The following METTL27 variants were observed in gnomAD, a reference collection of about 807,000 sequenced individuals.
METTL27 encodes methyltransferase like 27.
METTL27 carries 29 observed loss-of-function variants against 24.5 expected under a neutral mutation model. The observed-to-expected ratio is 1.18, with a 90% CI of 0.88 to 1.61. The LOEUF (loss-of-function observed/expected upper bound fraction) is 1.61. METTL27 is among the 40% of genes most tolerant of loss of function. The probability of loss-of-function intolerance (pLI) is 0.00; values close to 1 mark genes in which losing one functional copy is unlikely to be tolerated. For synonymous variants in METTL27, 138 were observed against 146.8 expected, an observed-to-expected ratio of 0.94 and a Z score of 0.43; for missense variants, 341 against 324.3, an observed-to-expected ratio of 1.05 and a Z score of -0.40.
chr7:73,842,285 G>A (rs79921838), intron 1 of METTL27, 141 bp from the exon 2 acceptor site: 80,234 of 1,367,710 alleles, frequency 0.059, 2,701 homozygotes, highest in Non-Finnish European at 0.067. Flanking sequence ...TCCCAGATGG[G>A]GACACTGAGC....
At chr7:73,840,359 G>A in intron 4 of METTL27, 55 bp downstream of exon 4, 1 of 1,549,388 alleles carries the variant, frequency 6.5e-7, no homozygotes, top group South Asian at 1.2e-5. Context: ...GGATCAGCAA[G>A]GGAAAGGGCT....
intron 3 of METTL27, 49 bp downstream of exon 3, chr7:73,841,021 G>T (rs1788337068): frequency 2.1e-6 from 3 of 1,416,132 alleles, no homozygotes; most frequent in Non-Finnish European, 2.8e-6. Context: ...TAGGAGATTT[G>T]AGGAAGTGCG....
intron 2 of METTL27, among the ~76,000 whole-genome samples, chr7:73,841,436 C>T (rs1788351851): frequency 6.6e-6 from 1 of 151,552 alleles, no homozygotes; most frequent in Non-Finnish European, 1.5e-5. Context: ...ACCTTCTCTC[C>T]TGGCCAAGCG....
At position 73,842,046 on chromosome 7, in the gene METTL27, T is replaced by C. The variant is rs1176356721; in HGVS notation, c.95A>G (p.Tyr32Cys). The change falls in exon 2 of 6, where the codon TAT (tyrosine) becomes TGT (cysteine). Residue 32 changes from tyrosine to cysteine, a missense_variant. Transcript: ENST00000297873. Reference sequence around the variant, plus strand: ...GTCGTAGTCCGGAGCCCAGCGGTCATAGAAATGGAGCTTTTGGGCCAGGTC... The same window carrying C: ...GTCGTAGTCCGGAGCCCAGCGGTCACAGAAATGGAGCTTTTGGGCCAGGTC... ...IPDLAQKLHFYDRWAPDYDQD... is the reference protein window; with the variant it reads ...IPDLAQKLHFCDRWAPDYDQD... The C allele has an allele frequency of 9.3e-6, 15 of 1,614,080 alleles. No individual in the cohort carries two copies. The highest frequency in any genetic ancestry group is 6.7e-5 in the East Asian group (3 of 44,868).
chr7:73,836,141 GCCCCCTGCCCGGC>G (rs1788181613), intron 5 of METTL27, among the ~76,000 whole-genome samples: 1 of 109,816 alleles, frequency 9.1e-6, no homozygotes, highest in African/African-American at 3.1e-5. Context: ...GGGGGGGTCA[GCCCCCTGCCCGGC>G]CAGCCGCCCA....
rs782631266 is a variant in METTL27 at position 73,840,009 on chromosome 7, G to A, written c.478+22C>T. The A allele has an allele frequency of 1.0e-5, 16 of 1,595,180 alleles. No individual in the cohort carries two copies. In the East Asian group the frequency reaches 3.1e-4, roughly 31 times the overall value. ...GTATATGGTGACGGGGGTTGGGGGT[G>A]GTTGGCTGGGCTGCTCCTCACCTGG... On this transcript the variant is annotated intron_variant, in intron 5 of 5. Coordinates refer to ENST00000297873, the MANE Select transcript of METTL27 (RefSeq NM_152559.3).
At position 73,835,624 on chromosome 7, in the gene METTL27, C is replaced by A. The variant is rs1245708231; in HGVS notation, c.479-622G>T. Among the ~76,000 whole-genome samples the A allele has an allele frequency of 2.7e-5, 4 of 145,856 alleles. No homozygotes were observed. The Admixed American group carries it at 2.8e-4, about 10-fold the overall frequency. ...AAAGTGCCGAGATTGCAGCCTCTGC[C>A]CGGCCGCCACCCCGTCTGGGAAGTG... On this transcript the variant is annotated intron_variant, in intron 5 of 5. Coordinates refer to ENST00000297873, the MANE Select transcript of METTL27 (RefSeq NM_152559.3).
At chr7:73,842,193 C>A in intron 1 of METTL27, 49 bp from the exon 2 acceptor site, 1 of 1,557,220 alleles carries the variant, frequency 6.4e-7, no homozygotes, top group Non-Finnish European at 8.6e-7. Context: ...AATCGCCCAT[C>A]CCCTCCTTTC....
chr7:73,835,742 G>A (rs1196035949), intron 5 of METTL27, among the ~76,000 whole-genome samples: 3 of 87,698 alleles, frequency 3.4e-5, no homozygotes, highest in Non-Finnish European at 8.4e-5. Context: ...GTCTCCGCCC[G>A]GCCGCCATCC....
intron 5 of METTL27, among the ~76,000 whole-genome samples, chr7:73,836,026 CG>C (rs1397589531): frequency 1.1e-5 from 1 of 94,292 alleles, no homozygotes; most frequent in African/African-American, 3.2e-5. Flanking sequence ...GCAGCCGCCC[CG>C]TCTGGGAAGT....
intron 5 of METTL27, among the ~76,000 whole-genome samples, chr7:73,836,438 G>A (rs868978471): frequency 2.0e-3 from 210 of 105,096 alleles, no homozygotes; most frequent in Middle Eastern, 6.0e-3. Flanking sequence ...CAGCCGCCCC[G>A]TCCGGGAGGT....
In METTL27 at chr7:73,840,132, T is replaced by TGTG; in HGVS notation, c.389-13_389-12insCAC. The TGTG allele has an allele frequency of 2.4e-6, 2 of 820,160 alleles. No homozygotes were observed. Among genetic ancestry groups the TGTG allele is most frequent in the Middle Eastern group, 2.6e-4 (1 of 3,804 alleles). The allele number at this position is 820,160 out of a possible 1,614,324, so 50.8% of individuals were successfully genotyped here. A position where few individuals can be genotyped will look rare whatever the true frequency, so the allele number is the denominator to read the frequency against. The stretch of plus-strand genomic sequence containing the variant: ...CGCGTCGAAGGTCCCTGTGTGTGTG[T>TGTG]GGGGGGGGGTGGGGACATGGTGTGA... On this transcript the variant is annotated splice_polypyrimidine_tract_variant and intron_variant, in intron 4 of 5. Transcript: ENST00000297873.
chr7:73,837,943 G>A (rs1788253482), intron 5 of METTL27, among the ~76,000 whole-genome samples: 1 of 151,532 alleles, frequency 6.6e-6, no homozygotes. Context: ...TCCAACTCAC[G>A]AGCTCAAGCA....
rs781895995 is a variant in METTL27, at chr7:73,834,884, C to G, written c.597G>C (p.Trp199Cys). 1 of 1,614,104 alleles carries G rather than the reference C, an allele frequency of 6.2e-7. No homozygotes were observed. The highest frequency in any genetic ancestry group is 1.1e-5 in the South Asian group (1 of 91,086). Residue 199 changes from tryptophan (W) to cysteine (C), a missense_variant, in exon 6 of 6, where the codon TGG (tryptophan) becomes TGC (cysteine). Transcript: ENST00000297873. ...QAGMWEGLVA[W>C]PVDRLWTAGS... ...CAGCGGTCCACAGGCGGTCCACAGGCCAGGCCACCAGGCCTTCCCACATCC... is the reference window on the plus strand; with the variant it reads ...CAGCGGTCCACAGGCGGTCCACAGGGCAGGCCACCAGGCCTTCCCACATCC...
At chr7:73,836,031 G>A (rs1554635083) in intron 5 of METTL27, among the ~76,000 whole-genome samples, 1 of 147,560 alleles carries the variant, frequency 6.8e-6, no homozygotes, top group East Asian at 2.0e-4. Context: ...CGCCCCGTCT[G>A]GGAAGTGAGG....
At position 73,840,493 on chromosome 7, in the gene METTL27, C is replaced by CAGCA; in HGVS notation, c.305_308dup (p.Glu104AlafsTer41). The stretch of plus-strand genomic sequence containing the variant: ...AGAGGCCGGGGGCCTGGGCCTGTTC[C>CAGCA]AGCATCCCTGGGCTCCCATCCACCC... On this transcript the variant is annotated frameshift_variant, in exon 4 of 6. Transcript: ENST00000297873. LOFTEE classifies it high-confidence loss of function. 1 of 1,611,324 alleles carries CAGCA rather than the reference C, an allele frequency of 6.2e-7. No homozygotes were observed. Among genetic ancestry groups the CAGCA allele is most frequent in the East Asian group, 2.2e-5 (1 of 44,808 alleles).
rs539713837 is a variant in METTL27, at chr7:73,839,816, C to A, written c.478+215G>T. 2.9e-4 allele frequency: 141 copies of A among 481,296 alleles called. 3 individuals carry two copies. In the South Asian group the frequency reaches 5.8e-3, roughly 20 times the overall value. 29.8% of individuals were successfully genotyped at this position (481,296 alleles called of 1,614,324 possible). ...GGAGGGTGGAGTTGCTCCTGGTTGTCCATGGATAAGAGCCGAGCTGGCCAC... is the reference window on the plus strand; with the variant it reads ...GGAGGGTGGAGTTGCTCCTGGTTGTACATGGATAAGAGCCGAGCTGGCCAC... On this transcript the variant is annotated intron_variant, in intron 5 of 5. Coordinates refer to ENST00000297873, the MANE Select transcript of METTL27 (RefSeq NM_152559.3).
chr7:73,842,034 G>A lies in METTL27; in HGVS notation c.107C>T (p.Ala36Val), dbSNP rs145055366. ...TGAGTTTACCTGGTCGTAGTCCGGA[G>A]CCCAGCGGTCATAGAAATGGAGCTT... ...AQKLHFYDRWAPDYDQDVATL... is the reference protein window; with the variant it reads ...AQKLHFYDRWVPDYDQDVATL... The change falls in exon 2 of 6, where the codon GCT becomes GTT. Residue 36 changes from alanine to valine, a missense_variant. Physicochemically the swap from Ala to Val is moderately conservative, Grantham distance 64. Coordinates refer to ENST00000297873, the MANE Select transcript of METTL27 (RefSeq NM_152559.3). The A allele has an allele frequency of 3.9e-3, 6,256 of 1,614,162 alleles. 410 individuals are homozygous for A. In the Admixed American group the frequency reaches 0.099, roughly 26 times the overall value.
chr7:73,838,457 T>C (rs146326977), intron 5 of METTL27, among the ~76,000 whole-genome samples: 231 of 152,172 alleles, frequency 1.5e-3, no homozygotes, highest in African/African-American at 5.3e-3. Context: ...GTGCCCAGGG[T>C]GGCCCCAAGT....
Sources: allele counts gnomAD v4.1 joint callset (sites outside exome capture counted in the v4.1 genomes callset), GRCh38; gene constraint gnomAD v4.1.1; transcripts MANE v1.5; gene names NCBI Gene and HGNC (gene_info 2026-07-23, HGNC 2026-07-21).